ERCC6L2: variants seen among roughly 807,000 people sequenced by gnomAD.
The protein encoded by ERCC6L2 is DNA excision repair protein ERCC-6-like 2.
Under a neutral mutation model 132.0 loss-of-function variants are expected in ERCC6L2, and 77 were observed. The ratio of observed to expected loss-of-function variants is 0.58; its 90% CI spans 0.49 to 0.71. The LOEUF (loss-of-function observed/expected upper bound fraction) is 0.71, where lower values mean the gene tolerates loss of function less well. ERCC6L2 is among the 30% of genes least tolerant of loss of function. The pLI, the probability that ERCC6L2 is intolerant of heterozygous loss-of-function variation, is 0.00. For synonymous variants in ERCC6L2, 583 were observed against 632.4 expected, an observed-to-expected ratio of 0.92 and a Z score of 1.17; for missense variants, 1,542 against 1,837.6, an observed-to-expected ratio of 0.84 and a Z score of 2.94.
chr9:95,889,097 T>G (rs905871544), intron 2 of ERCC6L2, among the ~76,000 whole-genome samples: 2 of 152,180 alleles, frequency 1.3e-5, no homozygotes, highest in African/African-American at 2.4e-5. Flanking sequence ...GTGAATTAAA[T>G]AAAGCTAATC....
At chr9:95,877,197 G>C (rs1363951030) in intron 1 of ERCC6L2, 2 of 152,146 alleles carry the variant, frequency 1.3e-5, no homozygotes, top group Non-Finnish European at 2.9e-5. Context: ...AATCCAACAG[G>C]AAATCTTAAC....
At chr9:95,941,380 G>A in intron 11 of ERCC6L2, 74 bp from the exon 12 acceptor site, 1 of 1,066,342 alleles carries the variant, frequency 9.4e-7, no homozygotes, top group South Asian at 1.4e-5. Flanking sequence ...ATAGAAACCT[G>A]GCACAGTTGA....
intron 17 of ERCC6L2, among the ~76,000 whole-genome samples, chr9:95,982,658 A>G: frequency 6.6e-6 from 1 of 152,144 alleles, no homozygotes; most frequent in East Asian, 1.9e-4. Context: ...CATTTGTATC[A>G]GAAAGTTATC....
intron 2 of ERCC6L2, among the ~76,000 whole-genome samples, chr9:95,895,539 C>T (rs773297281): frequency 1.3e-5 from 2 of 151,900 alleles, no homozygotes; most frequent in African/African-American, 2.4e-5. Context: ...ACTTTATTAT[C>T]CCCTTTTATT....
intron 15 of ERCC6L2, 124 bp downstream of exon 15, chr9:95,970,780 A>G (rs2133072445): frequency 1.3e-5 from 7 of 520,520 alleles, no homozygotes; most frequent in Non-Finnish European, 2.1e-5. Flanking sequence ...TCAAGGACAC[A>G]AAGTCAGAGG....
chr9:96,003,401 T>TA (rs1228793884), intron 17 of ERCC6L2, among the ~76,000 whole-genome samples: 1 of 152,224 alleles, frequency 6.6e-6, no homozygotes, highest in Non-Finnish European at 1.5e-5. Flanking sequence ...CACCACGTGG[T>TA]ACAAATCGCA....
intron 13 of ERCC6L2, among the ~76,000 whole-genome samples, chr9:95,965,206 T>C (rs753148741): frequency 2.0e-5 from 3 of 152,194 alleles, no homozygotes; most frequent in Non-Finnish European, 4.4e-5. Flanking sequence ...GTATAAATTT[T>C]AGATTCAGCC....
intron 17 of ERCC6L2, among the ~76,000 whole-genome samples, chr9:95,997,148 A>C (rs1479687329): frequency 9.8e-5 from 14 of 143,154 alleles, no homozygotes. Flanking sequence ...GACTTGGGCA[A>C]AGTCAGTTGT....
intron 2 of ERCC6L2, among the ~76,000 whole-genome samples, chr9:95,888,994 G>A (rs1271561590): frequency 6.6e-6 from 1 of 152,096 alleles, no homozygotes; most frequent in Non-Finnish European, 1.5e-5. Context: ...TTCAACTTAA[G>A]TTTTTCGGGG....
intron 19 of ERCC6L2, among the ~76,000 whole-genome samples, chr9:96,028,358 C>T (rs1834410290): frequency 1.3e-5 from 2 of 152,194 alleles, no homozygotes; most frequent in Non-Finnish European, 2.9e-5. Flanking sequence ...AGGAATATCC[C>T]TTCCTTGAGA....
At chr9:96,023,356 T>C (rs891508077), downstream of ERCC6L2, among the ~76,000 whole-genome samples, 1 of 152,236 alleles carries the variant, frequency 6.6e-6, no homozygotes, top group African/African-American at 2.4e-5. Flanking sequence ...GTTTTATTCC[T>C]TTTTTATATA....
At chr9:95,970,734 C>G in intron 15 of ERCC6L2, 78 bp downstream of exon 15, 1 of 1,064,296 alleles carries the variant, frequency 9.4e-7, no homozygotes, top group Non-Finnish European at 1.2e-6. Flanking sequence ...TTCCTTTTTC[C>G]TTAATTTTAT....
intron 17 of ERCC6L2, among the ~76,000 whole-genome samples, chr9:95,985,705 C>T (rs554506250): frequency 1.9e-4 from 29 of 152,076 alleles, no homozygotes; most frequent in Admixed American, 1.6e-3. Flanking sequence ...GTGTCCTTTC[C>T]GTAGTATACG....
chr9:95,937,739 A>G (rs757090274), intron 11 of ERCC6L2, among the ~76,000 whole-genome samples: 35 of 151,380 alleles, frequency 2.3e-4, no homozygotes, highest in Non-Finnish European at 2.2e-4. Context: ...TATCTTTGTC[A>G]TTGCTAGTTT....
intron 12 of ERCC6L2, among the ~76,000 whole-genome samples, chr9:95,949,719 G>C (rs1831240300): frequency 6.6e-6 from 1 of 152,086 alleles, no homozygotes; most frequent in African/African-American, 2.4e-5. Flanking sequence ...AGCCCTGTAA[G>C]GAATCCTATC....
At chr9:95,894,033 AAC>A (rs1178822226) in intron 2 of ERCC6L2, among the ~76,000 whole-genome samples, 1 of 152,206 alleles carries the variant, frequency 6.6e-6, no homozygotes, top group African/African-American at 2.4e-5. Flanking sequence ...ATAAGTTGAA[AAC>A]ACATTTAATA....
rs189670894 is a variant in ERCC6L2, at chr9:95,915,267, A to G, written c.789-401A>G. 2.0e-5 allele frequency among the ~76,000 whole-genome samples: 3 copies of G among 152,326 alleles called. No homozygotes were observed. The East Asian group carries it at 5.8e-4, about 29-fold the overall frequency. ...CTAAACTTTCTTAGTGGACAGGGCT[A>G]TGGAATACAGCTTTTAAAAATCATG... is the stretch of plus-strand genomic sequence containing the variant. On this transcript the variant is annotated intron_variant, in intron 4 of 18. Coordinates refer to ENST00000653738, the MANE Select transcript of ERCC6L2 (RefSeq NM_020207.7).
At chr9:95,961,312 T>G (rs1188924464) in intron 13 of ERCC6L2, among the ~76,000 whole-genome samples, 1 of 152,048 alleles carries the variant, frequency 6.6e-6, no homozygotes, top group Admixed American at 6.6e-5. Flanking sequence ...GAGCACCATG[T>G]GACAATGGAG....
intron 17 of ERCC6L2, among the ~76,000 whole-genome samples, chr9:96,002,248 G>A (rs1833712269): frequency 6.6e-6 from 1 of 152,248 alleles, no homozygotes; most frequent in Admixed American, 6.5e-5. Context: ...GAGCAAGCGG[G>A]GGCTCTGAAG....
Sources: allele counts gnomAD v4.1 joint callset (sites outside exome capture counted in the v4.1 genomes callset), GRCh38; gene constraint gnomAD v4.1.1; transcripts MANE v1.5; gene names NCBI Gene and HGNC (gene_info 2026-07-23, HGNC 2026-07-21).